The following PCDHGA1 variants were observed in gnomAD, a reference collection of about 807,000 sequenced individuals.
PCDHGA1 encodes the protein protocadherin gamma subfamily A, 1, also known as protocadherin gamma-A1.
Under a neutral mutation model 58.0 loss-of-function variants are expected in PCDHGA1, and 32 were observed. That is an observed-to-expected ratio of 0.55 (90% CI 0.42 to 0.74). PCDHGA1 has a LOEUF of 0.74. Ranked by LOEUF, PCDHGA1 falls within the 30% of genes least tolerant of loss-of-function variation. PCDHGA1 has a pLI of 0.00. For missense variants in PCDHGA1, 1,205 were observed against 1,182.3 expected (o/e 1.02, Z -0.28); for synonymous variants, 498 against 501.1 (o/e 0.99, Z 0.08).
chr5:141,372,827 T>C (rs1457588912), intron 1 of PCDHGA1: 7 of 1,550,888 alleles, frequency 4.5e-6, no homozygotes, highest in Non-Finnish European at 6.1e-6. Flanking sequence ...TCTTCAAACC[T>C]TTCCTTCCAT....
chr5:141,332,679 C>A lies in PCDHGA1; in HGVS notation c.1995C>A (p.Ala665=), dbSNP rs1261271059. 6.2e-7 allele frequency: 1 copy of A among 1,613,612 alleles called. No homozygotes were observed. The highest frequency in any genetic ancestry group is 8.5e-7 in the Non-Finnish European group (1 of 1,179,936). Residue 665 remains alanine (A), a synonymous_variant, in exon 1 of 4, where the codon GCC becomes GCA. Transcript: ENST00000517417. The surrounding 1 kb of genome is among the most constrained non-coding windows in gnomAD (Gnocchi z 4.6). ...CTGTCACGCTCACCGTGGCCGTGGC[C>A]GACAGGATCTCCGACATCCTGGCCG... The part of the protein sequence containing the change: ...SATVTLTVAV[A]DRISDILADL...
chr5:141,404,745 C>T, intron 1 of PCDHGA1: 1 of 1,613,966 alleles, frequency 6.2e-7, no homozygotes, highest in Non-Finnish European at 8.5e-7. Flanking sequence ...GACAGAGACT[C>T]AGGCCAGAAT....
At chr5:141,404,560 C>T (rs2094540099) in intron 1 of PCDHGA1, 37 of 1,613,460 alleles carry the variant, frequency 2.3e-5, no homozygotes, top group Non-Finnish European at 3.1e-5. Flanking sequence ...CGGCAAGTGA[C>T]AGTGGAAGCC....
intron 1 of PCDHGA1, among the ~76,000 whole-genome samples, chr5:141,446,802 G>T (rs2098516342): frequency 6.6e-6 from 1 of 152,130 alleles, no homozygotes; most frequent in South Asian, 2.1e-4. Flanking sequence ...CTTCCATTGT[G>T]ATCATCTAGT....
chr5:141,473,988 G>A (rs1006988447), intron 1 of PCDHGA1, among the ~76,000 whole-genome samples: 1 of 152,118 alleles, frequency 6.6e-6, no homozygotes, highest in African/African-American at 2.4e-5. Flanking sequence ...AGGATCCCTT[G>A]AGCCCAAGGA....
chr5:141,364,942 A>G (rs768570129), intron 1 of PCDHGA1: 1 of 1,613,802 alleles, frequency 6.2e-7, no homozygotes, highest in East Asian at 2.2e-5. Context: ...ACCGCGAGAA[A>G]GAGACTGTTC....
chr5:141,419,321 T>G, intron 1 of PCDHGA1: 1 of 1,613,950 alleles, frequency 6.2e-7, no homozygotes, highest in Non-Finnish European at 8.5e-7. Context: ...CGGCCGTGTC[T>G]CCTACTCTCT....
At chr5:141,359,980 T>C in intron 1 of PCDHGA1, 1 of 851,316 alleles carries the variant, frequency 1.2e-6, no homozygotes, top group Non-Finnish European at 1.7e-6. Flanking sequence ...GGGAGCCTCT[T>C]AGAGGGGAAC....
intron 1 of PCDHGA1, among the ~76,000 whole-genome samples, chr5:141,434,854 A>G (rs2097723190): frequency 6.6e-6 from 1 of 151,936 alleles, no homozygotes; most frequent in Admixed American, 6.6e-5. Context: ...ACATCAATAA[A>G]TTTATATATA....
rs749415234 is a variant in PCDHGA1, at chr5:141,419,462, C to A, written c.2422-75345C>A. On this transcript the variant is annotated intron_variant, in intron 1 of 3. Transcript: ENST00000517417. Reference sequence around the variant, plus strand: ...CACCTTCGAGCTCACGCTGCAGGCCCGCGACCAGGGCTCGCCCGCGCTCAG... The same window carrying A: ...CACCTTCGAGCTCACGCTGCAGGCCAGCGACCAGGGCTCGCCCGCGCTCAG... 2.5e-6 allele frequency: 4 copies of A among 1,612,582 alleles called. No homozygotes were observed. In the Admixed American group the frequency reaches 6.7e-5, roughly 27 times the overall value.
rs1246198657 is a variant in PCDHGA1 at position 141,505,401 on chromosome 5, A to T, written c.2489A>T (p.Asn830Ile). The change falls in exon 3 of 4, where the codon AAT (asparagine) becomes ATT (isoleucine). Residue 830 changes from asparagine (N) to isoleucine (I), a missense_variant. By Grantham distance (149) the Asn-to-Ile change is moderately radical (BLOSUM62 -3). Transcript: ENST00000517417. Reference protein sequence around the residue: ...AQRPGTSGSQNGDDTGTWPNN... With the variant: ...AQRPGTSGSQIGDDTGTWPNN... ...TCCTACTCTCTCCCCAGCTCCCAAA[A>T]TGGCGATGACACCGGCACCTGGCCC... is the stretch of plus-strand genomic sequence containing the variant. The T allele has an allele frequency of 6.2e-7, 1 of 1,614,058 alleles. No individual in the cohort carries two copies. Among genetic ancestry groups the T allele is most frequent in the African/African-American group, 1.3e-5 (1 of 74,922 alleles).
Position 141,433,012 on chromosome 5 carries a change from G to C in PCDHGA1, c.2422-61795G>C. 1 of 1,614,172 alleles carries C rather than the reference G, an allele frequency of 6.2e-7. No homozygotes were observed. Among genetic ancestry groups the C allele is most frequent in the South Asian group, 1.1e-5 (1 of 91,080 alleles). The stretch of plus-strand genomic sequence containing the variant: ...TGGACGGGGTGCAGGCTTTCCTGCA[G>C]ACCTATTCCCACGAGGTTTCCCTCA... On this transcript the variant is annotated intron_variant, in intron 1 of 3. Coordinates refer to ENST00000517417, the MANE Select transcript of PCDHGA1 (RefSeq NM_018912.3).
At chr5:141,478,513 G>A in intron 1 of PCDHGA1, 1 of 1,611,520 alleles carries the variant, frequency 6.2e-7, no homozygotes. Context: ...TCTATAGGCA[G>A]GTGTTGGGTG....
intron 1 of PCDHGA1, among the ~76,000 whole-genome samples, chr5:141,435,732 C>T (rs2097777160): frequency 6.6e-6 from 1 of 152,150 alleles, no homozygotes; most frequent in South Asian, 2.1e-4. Flanking sequence ...AAGTGTATTA[C>T]TCTTTGAAAA....
intron 1 of PCDHGA1, among the ~76,000 whole-genome samples, chr5:141,475,511 A>T (rs1240718716): frequency 6.6e-6 from 1 of 152,240 alleles, no homozygotes; most frequent in African/African-American, 2.4e-5. Context: ...TAATGTCTCC[A>T]CGGAAATGCT....
intron 1 of PCDHGA1, among the ~76,000 whole-genome samples, chr5:141,420,737 A>G (rs1156969170): frequency 1.3e-5 from 2 of 152,244 alleles, no homozygotes; most frequent in Non-Finnish European, 2.9e-5. Flanking sequence ...GTTAAAATCA[A>G]TTGGAACCAA....
At chr5:141,403,317 A>G (rs576274199) in intron 1 of PCDHGA1, 2 of 1,613,974 alleles carry the variant, frequency 1.2e-6, no homozygotes, top group South Asian at 2.2e-5. Flanking sequence ...ATAGAAATAG[A>G]AGTAACTGAT....
At chr5:141,356,980 G>A in intron 1 of PCDHGA1, 1 of 1,614,252 alleles carries the variant, frequency 6.2e-7, no homozygotes, top group Non-Finnish European at 8.5e-7. Flanking sequence ...AGTGGTGGCA[G>A]TGGACAGAGA....
chr5:141,395,157 C>T (rs1217678334), intron 1 of PCDHGA1: 4 of 1,614,174 alleles, frequency 2.5e-6, no homozygotes, highest in Admixed American at 1.7e-5. Context: ...GCTCATCAGT[C>T]AGGAGGGCTG....
Sources: allele counts gnomAD v4.1 joint callset (sites outside exome capture counted in the v4.1 genomes callset), GRCh38; gene constraint gnomAD v4.1.1; non-coding constraint Gnocchi (gnomAD v3.1); transcripts MANE v1.5; gene names NCBI Gene and HGNC (gene_info 2026-07-23, HGNC 2026-07-21).